COL24A1: variants seen among roughly 807,000 people sequenced by gnomAD.
COL24A1 encodes collagen type XXIV alpha 1 chain, also known as collagen alpha-1(XXIV) chain.
A neutral mutation model predicts 253.9 loss-of-function variants in COL24A1; 224 were observed. The ratio of observed to expected loss-of-function variants is 0.88; its 90% confidence interval spans 0.79 to 0.99. The LOEUF is 0.99. Among genes scored for constraint, COL24A1 ranks in the 50% least tolerant of loss-of-function variants. The pLI is 0.00. For synonymous variants in COL24A1, 685 were observed against 673.7 expected, an observed-to-expected ratio of 1.02 and a Z score of -0.26; for missense variants, 2,131 against 2,068.5, an observed-to-expected ratio of 1.03 and a Z score of -0.59.
intron 2 of COL24A1, among the ~76,000 whole-genome samples, chr1:86,139,754 A>G (rs1017867120): frequency 6.6e-6 from 1 of 152,170 alleles, no homozygotes; most frequent in Non-Finnish European, 1.5e-5. Flanking sequence ...AGTTTGTAGG[A>G]AAGAACAAAT....
intron 59 of COL24A1, 50 bp from the exon 60 acceptor site, chr1:85,730,742 T>G: frequency 5.7e-6 from 9 of 1,591,026 alleles, no homozygotes; most frequent in Non-Finnish European, 7.7e-6. Context: ...TAGCAGTCAC[T>G]TTCAGTAGAC....
intron 41 of COL24A1, 54 bp downstream of exon 41, chr1:85,842,014 A>G: frequency 6.7e-7 from 1 of 1,492,694 alleles, no homozygotes; most frequent in Non-Finnish European, 9.3e-7. Flanking sequence ...TTCAGGAATA[A>G]TTCATGAACT....
At chr1:86,062,029 AAATAG>A (rs1701129491) in intron 8 of COL24A1, among the ~76,000 whole-genome samples, 2 of 152,202 alleles carry the variant, frequency 1.3e-5, no homozygotes, top group South Asian at 4.1e-4. Context: ...TTTGTGGATA[AAATAG>A]AACAATGCGT....
chr1:85,954,506 A>G (rs146264861), intron 24 of COL24A1, among the ~76,000 whole-genome samples: 9 of 152,340 alleles, frequency 5.9e-5, no homozygotes, highest in East Asian at 1.9e-4. Flanking sequence ...TCTCTGAAAC[A>G]TAAGTTTCCT....
chr1:86,057,105 G>A (rs959325156), intron 10 of COL24A1, among the ~76,000 whole-genome samples: 1 of 152,056 alleles, frequency 6.6e-6, no homozygotes, highest in African/African-American at 2.4e-5. Flanking sequence ...ATTGGGGGGC[G>A]GATCCCTCGT....
rs1335404808 is a variant in COL24A1, at chr1:85,970,666, C to T, written c.2419-395G>A. ...TTCTGAATAATACATACAGACCTCC[C>T]TAGAATCATATAGTATATGTTATTT... On this transcript the variant is annotated intron_variant, in intron 21 of 59. Transcript: ENST00000370571. Among the ~76,000 whole-genome samples, 6 of 152,042 alleles carry T rather than the reference C, an allele frequency of 3.9e-5. No individual in the cohort carries two copies. The East Asian group carries it at 1.2e-3, about 29-fold the overall frequency.
rs76808175 is a variant in COL24A1, at chr1:85,739,482, C to G, written c.4673-1977G>C. ...GACACTGCTTCTCTTGTAGCCTCTA[C>G]AGTGTTGTGCCCGAAGGTGGCAAGG... On this transcript the variant is annotated intron_variant, in intron 57 of 59. Transcript: ENST00000370571. 7.3e-3 allele frequency among the ~76,000 whole-genome samples: 1,113 copies of G among 152,298 alleles called. 23 individuals are homozygous for G. The highest frequency in any genetic ancestry group is 0.05 in the East Asian group (260 of 5,180).
Position 85,911,405 on chromosome 1 carries a change from C to T in COL24A1, c.2591G>A (p.Gly864Glu), listed in dbSNP as rs1685351592. 6.2e-7 allele frequency: 1 copy of T among 1,611,982 alleles called. No individual in the cohort carries two copies. Among genetic ancestry groups the T allele is most frequent in the African/African-American group, 1.3e-5 (1 of 74,740 alleles). The change falls in exon 25 of 60, where the codon GGG becomes GAG. Residue 864 changes from glycine to glutamate, a missense_variant. Transcript: ENST00000370571. ...CTTTTCGCCAATGCTTCCAGTCATCCCAACTTCTCCAGGTAAGCCAACAGG... is the reference window on the plus strand; with the variant it reads ...CTTTTCGCCAATGCTTCCAGTCATCTCAACTTCTCCAGGTAAGCCAACAGG... Reference protein sequence around the residue: ...TGPVGLPGEVGMTGSIGEKGE... With the variant: ...TGPVGLPGEVEMTGSIGEKGE...
chr1:85,766,368 C>CAAAA (rs1319642983), intron 53 of COL24A1, among the ~76,000 whole-genome samples: 16 of 66,188 alleles, frequency 2.4e-4, no homozygotes, highest in East Asian at 1.1e-3. Flanking sequence ...GACTCTGTCT[C>CAAAA]AAAAAAAAAA....
rs1326167984 is a variant in COL24A1 at position 85,841,216 on chromosome 1, A to G, written c.3627+6T>C. 15 of 1,592,746 alleles carry G rather than the reference A, an allele frequency of 9.4e-6. No homozygotes were observed. The highest frequency in any genetic ancestry group is 1.2e-5 in the Non-Finnish European group (14 of 1,168,608). On this transcript the variant is annotated splice_donor_region_variant and intron_variant, in intron 42 of 59. Transcript: ENST00000370571. ...ATAACCAGAATTATTTCAGAAAAAG[A>G]CCTACTGGTTCACCTCGAGGCCCAG...
At chr1:85,972,313 G>C (rs1692245477) in intron 20 of COL24A1, among the ~76,000 whole-genome samples, 1 of 139,422 alleles carries the variant, frequency 7.2e-6, no homozygotes, top group Non-Finnish European at 1.6e-5. Flanking sequence ...ATGCAACAGA[G>C]TGACAAACTA....
chr1:86,072,606 G>T (rs1205236541), intron 7 of COL24A1, among the ~76,000 whole-genome samples: 1 of 152,122 alleles, frequency 6.6e-6, no homozygotes, highest in East Asian at 1.9e-4. Flanking sequence ...GAGAGCAACG[G>T]ATCTCCCAGC....
chr1:85,830,194 A>C (rs1323238905), intron 43 of COL24A1, among the ~76,000 whole-genome samples: 1 of 152,046 alleles, frequency 6.6e-6, no homozygotes, highest in African/African-American at 2.4e-5. Flanking sequence ...GTGAGGTGTC[A>C]GTCTGCCCCT....
intron 24 of COL24A1, among the ~76,000 whole-genome samples, chr1:85,923,855 C>A (rs763253862): frequency 4.6e-5 from 7 of 151,948 alleles, no homozygotes; most frequent in Non-Finnish European, 1.0e-4. Context: ...ACACAAAAAC[C>A]CTTCAAAAAA....
Position 85,737,397 on chromosome 1 carries a change from T to A in COL24A1, c.4781A>T (p.Lys1594Met), listed in dbSNP as rs1664164517. The A allele has an allele frequency of 6.2e-7, 1 of 1,606,626 alleles. No homozygotes were observed. The highest frequency in any genetic ancestry group is 2.2e-5 in the East Asian group (1 of 44,666). ...QTCLPPVSVT[K>M]LEFGVGKVQM... ...GTGTTCTAAAATTCAGTAACATACC[T>A]TTGTTACAGAAACAGGAGGTAAGCA... The change falls in exon 58 of 60, where the codon AAG becomes ATG. Residue 1594 changes from lysine to methionine, a missense_variant and splice_region_variant. Lys to Met is a moderately conservative substitution (Grantham distance 95). Transcript: ENST00000370571.
rs1449461912 is a variant in COL24A1 at position 85,907,158 on chromosome 1, G to A, written c.2778+36C>T. 5 of 1,549,052 alleles carry A rather than the reference G, an allele frequency of 3.2e-6. No individual in the cohort carries two copies. The East Asian group carries it at 1.1e-4, about 35-fold the overall frequency. ...TTCCACTATTTATGAAGTAATTTTG[G>A]GGGGGTTAATGTACTTTTTTCCTTA... is the stretch of plus-strand genomic sequence containing the variant. On this transcript the variant is annotated intron_variant, in intron 28 of 59. Transcript: ENST00000370571.
chr1:85,800,375 C>A (rs1671302624), intron 47 of COL24A1, among the ~76,000 whole-genome samples: 1 of 152,272 alleles, frequency 6.6e-6, no homozygotes, highest in South Asian at 2.1e-4. Flanking sequence ...CCCAACCTGA[C>A]AAGATTCTTT....
chr1:85,907,520 G>A (rs1311639873), intron 27 of COL24A1, among the ~76,000 whole-genome samples: 2 of 151,832 alleles, frequency 1.3e-5, no homozygotes, highest in Non-Finnish European at 2.9e-5. Context: ...GTTTTCAGAA[G>A]GAACACATAT....
At chr1:86,058,148 A>T (rs1344260445) in intron 9 of COL24A1, among the ~76,000 whole-genome samples, 173 bp from the exon 10 acceptor site, 1 of 152,130 alleles carries the variant, frequency 6.6e-6, no homozygotes, top group Non-Finnish European at 1.5e-5. Context: ...TTTCTGAATC[A>T]AAAGAGGCAC....
Sources: allele counts gnomAD v4.1 joint callset (sites outside exome capture counted in the v4.1 genomes callset), GRCh38; gene constraint gnomAD v4.1.1; transcripts MANE v1.5; gene names NCBI Gene and HGNC (gene_info 2026-07-23, HGNC 2026-07-21).